DOCK3: variants seen among roughly 807,000 people sequenced by gnomAD.
The protein encoded by DOCK3 is dedicator of cytokinesis protein 3.
A neutral mutation model predicts 265.6 loss-of-function variants in DOCK3; 60 were observed. The observed-to-expected ratio is 0.23, with a 90% CI of 0.18 to 0.28. The LOEUF (loss-of-function observed/expected upper bound fraction) is 0.28. Among genes scored for constraint, DOCK3 ranks in the 10% least tolerant of loss-of-function variants. The pLI, the probability that DOCK3 is intolerant of heterozygous loss-of-function variation, is 1.00. For missense variants in DOCK3, 1,981 were observed against 2,594.3 expected (o/e 0.76, Z 5.14); for synonymous variants, 881 against 938.0 (o/e 0.94, Z 1.11).
At chr3:50,913,145 A>G (rs2049947068) in intron 4 of DOCK3, among the ~76,000 whole-genome samples, 1 of 151,948 alleles carries the variant, frequency 6.6e-6, no homozygotes, top group African/African-American at 2.4e-5. Flanking sequence ...TCGTGGCCCG[A>G]GGGCTTTTCA....
chr3:51,214,088 C>T (rs2089651250), intron 13 of DOCK3, 34 bp from the exon 14 acceptor site: 1 of 1,612,590 alleles, frequency 6.2e-7, no homozygotes, highest in Non-Finnish European at 8.5e-7. Context: ...CAGGGTAGAA[C>T]TGTGGTTCTA....
At chr3:51,280,354 C>G in intron 27 of DOCK3, 150 bp downstream of exon 27, 1 of 743,720 alleles carries the variant, frequency 1.3e-6, no homozygotes, top group Non-Finnish European at 2.2e-6. Flanking sequence ...GAGTGTTGGC[C>G]TCCAGAAGCT....
At chr3:51,279,014 C>T (rs561924211) in intron 26 of DOCK3, among the ~76,000 whole-genome samples, 2 of 152,032 alleles carry the variant, frequency 1.3e-5, no homozygotes, top group East Asian at 1.9e-4. Context: ...TTTGGGAGGC[C>T]GAGGCAGATG....
At chr3:50,694,680 G>A (rs1484011481) in intron 1 of DOCK3, among the ~76,000 whole-genome samples, 2 of 152,098 alleles carry the variant, frequency 1.3e-5, no homozygotes. Flanking sequence ...GCGTGGTGGT[G>A]CATGCCTGTA....
intron 21 of DOCK3, among the ~76,000 whole-genome samples, chr3:51,245,286 G>A (rs1027867117): frequency 1.1e-4 from 17 of 152,046 alleles, no homozygotes; most frequent in Non-Finnish European, 1.3e-4. Context: ...ACAATGAGCC[G>A]AGGTCGCGTC....
intron 16 of DOCK3, among the ~76,000 whole-genome samples, chr3:51,227,647 G>T (rs2090386337): frequency 6.6e-6 from 1 of 152,198 alleles, no homozygotes; most frequent in Non-Finnish European, 1.5e-5. Flanking sequence ...TCTTGTGTTG[G>T]CCCTTCCTGG....
At chr3:50,682,699 G>A (rs2034497759) in intron 1 of DOCK3, among the ~76,000 whole-genome samples, 1 of 152,212 alleles carries the variant, frequency 6.6e-6, no homozygotes. Context: ...AACACTTTGG[G>A]AGGCCTAGGT....
intron 49 of DOCK3, among the ~76,000 whole-genome samples, chr3:51,370,526 C>T (rs551340871): frequency 7.9e-5 from 12 of 152,316 alleles, no homozygotes; most frequent in East Asian, 3.9e-4. Context: ...CACAGGCTGG[C>T]GGTTACCACC....
intron 5 of DOCK3, among the ~76,000 whole-genome samples, chr3:50,980,670 TTCTG>T (rs1403522504): frequency 6.6e-6 from 1 of 152,178 alleles, no homozygotes; most frequent in Non-Finnish European, 1.5e-5. Context: ...TTCTTTGTCT[TTCTG>T]GTTCAATCTT....
chr3:51,201,984 GAC>G (rs1373822896), intron 12 of DOCK3, among the ~76,000 whole-genome samples: 2 of 152,248 alleles, frequency 1.3e-5, no homozygotes, highest in Non-Finnish European at 2.9e-5. Context: ...TGAGAACAAA[GAC>G]ACAACATACC....
chr3:51,220,732 T>TATATAA (rs1242775735), intron 14 of DOCK3, among the ~76,000 whole-genome samples: 11 of 144,586 alleles, frequency 7.6e-5, no homozygotes, highest in East Asian at 2.0e-4. Context: ...TATATATATA[T>TATATAA]AAAATACTTG....
rs749581167 is a variant in DOCK3, at chr3:51,227,953, A to G, written c.1541-29A>G. On this transcript the variant is annotated intron_variant, in intron 16 of 52. Transcript: ENST00000266037. ...ATGAGGAAGCAGAGTGGAAGGCAAAAAACAACTAATACTTGGCTCTGATTA... is the reference window on the plus strand; with the variant it reads ...ATGAGGAAGCAGAGTGGAAGGCAAAGAACAACTAATACTTGGCTCTGATTA... 1.4e-5 allele frequency: 22 copies of G among 1,611,270 alleles called. No individual in the cohort carries two copies. In the African/African-American group the frequency reaches 2.9e-4, roughly 22 times the overall value.
intron 9 of DOCK3, among the ~76,000 whole-genome samples, chr3:51,139,257 G>C (rs566748236): frequency 5.3e-5 from 8 of 150,430 alleles, no homozygotes; most frequent in East Asian, 3.9e-4. Flanking sequence ...ACTGCAGTGG[G>C]GGGAGGGCTA....
intron 27 of DOCK3, among the ~76,000 whole-genome samples, chr3:51,294,541 G>C (rs901237054): frequency 6.6e-6 from 1 of 152,098 alleles, no homozygotes; most frequent in Non-Finnish European, 1.5e-5. Context: ...AGCCAGGCGT[G>C]GTGGCAGGTA....
intron 25 of DOCK3, among the ~76,000 whole-genome samples, chr3:51,276,153 G>A (rs1016629204): frequency 6.6e-5 from 10 of 152,118 alleles, no homozygotes; most frequent in Admixed American, 6.6e-4. Flanking sequence ...TTCGAGCAGG[G>A]GACAGGGACT....
At chr3:51,242,179 T>G (rs990343790) in intron 21 of DOCK3, among the ~76,000 whole-genome samples, 3 of 152,052 alleles carry the variant, frequency 2.0e-5, no homozygotes, top group Non-Finnish European at 4.4e-5. Context: ...TCTGGAACAT[T>G]TTAGGGGACA....
At chr3:51,304,737 C>A (rs930496597) in intron 27 of DOCK3, among the ~76,000 whole-genome samples, 4 of 152,188 alleles carry the variant, frequency 2.6e-5, no homozygotes, top group Non-Finnish European at 5.9e-5. Flanking sequence ...ATGTGGCTCC[C>A]AGGTGAGCCA....
chr3:50,977,644 G>A (rs2108521272), intron 5 of DOCK3, among the ~76,000 whole-genome samples: 1 of 152,250 alleles, frequency 6.6e-6, no homozygotes, highest in East Asian at 1.9e-4. Context: ...TTCTCGAGGA[G>A]TATCTTTGTG....
intron 5 of DOCK3, among the ~76,000 whole-genome samples, chr3:50,958,465 CCT>C (rs2076789493): frequency 6.6e-6 from 1 of 151,976 alleles, no homozygotes. Context: ...GCCTCTGTGC[CCT>C]CTCATCTTTT....
Sources: gnomAD v4.1 joint callset for allele counts (sites outside exome capture counted in the v4.1 genomes callset) on GRCh38, gnomAD v4.1.1 for gene constraint, MANE v1.5 for transcripts, NCBI Gene and HGNC (gene_info 2026-07-23, HGNC 2026-07-21) for gene names.